Variants in MEGF10 observed in about 807,000 individuals in gnomAD.
MEGF10 encodes the protein multiple epidermal growth factor-like domains protein 10.
A neutral mutation model predicts 147.5 loss-of-function variants in MEGF10; 86 were observed. That is an observed-to-expected ratio of 0.58 (90% confidence interval 0.49 to 0.70). The LOEUF is 0.70. MEGF10 is among the 30% of genes least tolerant of loss of function. The pLI is 0.00. For missense variants in MEGF10, 1,329 were observed against 1,487.3 expected (o/e 0.89, Z 1.75); for synonymous variants, 478 against 525.5 (o/e 0.91, Z 1.24).
At chr5:127,271,793 A>C in the MEGF10 span, among the ~76,000 whole-genome samples, 1 of 152,198 alleles carries the variant, frequency 6.6e-6, no homozygotes, top group Admixed American at 6.5e-5. Flanking sequence ...AGGCCTCCCC[A>C]GCCCTGTGGA....
chr5:127,294,431 T>C (rs1759402804), intron 1 of MEGF10, among the ~76,000 whole-genome samples: 1 of 152,136 alleles, frequency 6.6e-6, no homozygotes, highest in Non-Finnish European at 1.5e-5. Context: ...GGGACAGTAT[T>C]GTATACATAT....
At chr5:127,381,684 T>A (rs1489500482) in intron 5 of MEGF10, among the ~76,000 whole-genome samples, 1 of 152,222 alleles carries the variant, frequency 6.6e-6, no homozygotes, top group African/African-American at 2.4e-5. Context: ...TTTTTGTTTT[T>A]CTCGAGACAA....
chr5:127,235,217 G>C, the MEGF10 span, among the ~76,000 whole-genome samples: 1 of 150,112 alleles, frequency 6.7e-6, no homozygotes, highest in African/African-American at 2.5e-5. Flanking sequence ...ACTTTATTCA[G>C]AATAAGAACT....
At chr5:127,240,936 G>C in the MEGF10 span, among the ~76,000 whole-genome samples, 1 of 152,186 alleles carries the variant, frequency 6.6e-6, no homozygotes, top group Non-Finnish European at 1.5e-5. Flanking sequence ...ACATTGGGCA[G>C]ATGTCTTCTG....
intron 9 of MEGF10, among the ~76,000 whole-genome samples, chr5:127,416,995 G>A (rs1764801431): frequency 6.6e-6 from 1 of 152,248 alleles, no homozygotes; most frequent in Non-Finnish European, 1.5e-5. Context: ...TCTTCCTCTT[G>A]TCAGGAGAAC....
Position 127,419,197 on chromosome 5 carries a change from T to G in MEGF10, c.1383T>G (p.Asp461Glu), listed in dbSNP as rs781683602. The change falls in exon 11 of 25, where the codon GAT becomes GAG. Residue 461 changes from aspartate to glutamate, a missense_variant. By Grantham distance (45) the Asp-to-Glu change is conservative. This residue lies in a region of MEGF10 where 980 missense variants were observed against 1,085.9 expected (regional missense o/e 0.90). Transcript: ENST00000503335. Reference protein sequence around the residue: ...NCSSRCGCKNDAVCSPVDGSC... With the variant: ...NCSSRCGCKNEAVCSPVDGSC... ...CCTCTCGCTGTGGCTGTAAAAATGA[T>G]GCAGTCTGCTCTCCTGTGGACGGGT... 1.3e-5 allele frequency: 21 copies of G among 1,614,082 alleles called. No individual in the cohort carries two copies. Among genetic ancestry groups the G allele is most frequent in the Non-Finnish European group, 1.8e-5 (21 of 1,180,030 alleles).
intron 5 of MEGF10, among the ~76,000 whole-genome samples, chr5:127,377,266 T>G (rs920877298): frequency 6.6e-6 from 1 of 152,242 alleles, no homozygotes; most frequent in Non-Finnish European, 1.5e-5. Context: ...GTTTTCTTAT[T>G]CCATATAATC....
chr5:127,379,787 A>T (rs1041320506), intron 5 of MEGF10, among the ~76,000 whole-genome samples: 1 of 151,678 alleles, frequency 6.6e-6, no homozygotes, highest in Non-Finnish European at 1.5e-5. Flanking sequence ...TTTAGTAGAG[A>T]TGGGATTTCA....
intron 19 of MEGF10, chr5:127,444,608 A>G (rs1486900239): frequency 6.6e-6 from 1 of 152,228 alleles, no homozygotes. Context: ...TTTAGATGCC[A>G]GATTTCTTGA....
In MEGF10 at chr5:127,405,322, T is replaced by G. The variant is rs1014884157; in HGVS notation, c.917+2640T>G. ...TTTAATAAGATACTGTCATGTTTGTTGCCTCCTGCCTCCAACTTAGACCCT... is the reference window on the plus strand; with the variant it reads ...TTTAATAAGATACTGTCATGTTTGTGGCCTCCTGCCTCCAACTTAGACCCT... On this transcript the variant is annotated intron_variant, in intron 8 of 24. Transcript: ENST00000503335. Among the ~76,000 whole-genome samples the G allele has an allele frequency of 3.3e-5, 5 of 152,316 alleles. No individual in the cohort carries two copies. The South Asian group carries it at 1.0e-3, about 32-fold the overall frequency.
chr5:127,365,973 T>C (rs1380155646), intron 4 of MEGF10, among the ~76,000 whole-genome samples: 1 of 152,246 alleles, frequency 6.6e-6, no homozygotes, highest in Non-Finnish European at 1.5e-5. Context: ...AGTGGACCTC[T>C]GTTCCCTTTT....
At chr5:127,239,669 G>T in the MEGF10 span, among the ~76,000 whole-genome samples, 1 of 151,914 alleles carries the variant, frequency 6.6e-6, no homozygotes, top group African/African-American at 2.4e-5. Context: ...TGGGAATATA[G>T]ATCAGGCAAG....
chr5:127,291,647 G>T (rs1034434223), intron 1 of MEGF10, among the ~76,000 whole-genome samples: 3 of 152,168 alleles, frequency 2.0e-5, no homozygotes, highest in Non-Finnish European at 2.9e-5. Flanking sequence ...GGCTCCTTAA[G>T]GAGTGCTGGG....
intron 13 of MEGF10, among the ~76,000 whole-genome samples, chr5:127,426,041 T>A (rs1311605035): frequency 6.6e-6 from 1 of 152,160 alleles, no homozygotes; most frequent in Non-Finnish European, 1.5e-5. Flanking sequence ...GTGGACACTG[T>A]GGGGAGAGGC....
intron 5 of MEGF10, among the ~76,000 whole-genome samples, chr5:127,388,109 G>A (rs1465988697): frequency 1.3e-5 from 2 of 152,082 alleles, no homozygotes; most frequent in South Asian, 2.1e-4. Context: ...TTGATACTAT[G>A]TTCATAGCAA....
chr5:127,352,180 A>C (rs1262020895), intron 4 of MEGF10, among the ~76,000 whole-genome samples: 1 of 152,150 alleles, frequency 6.6e-6, no homozygotes, highest in Non-Finnish European at 1.5e-5. Flanking sequence ...ATTTTGAGAC[A>C]CATTGCCAAA....
At chr5:127,398,556 T>C in intron 6 of MEGF10, 120 bp from the exon 7 acceptor site, 2 of 1,161,930 alleles carry the variant, frequency 1.7e-6, no homozygotes, top group Non-Finnish European at 2.5e-6. Flanking sequence ...TGTTAATTAA[T>C]TAAATGAACA....
intron 5 of MEGF10, among the ~76,000 whole-genome samples, chr5:127,393,828 T>A (rs1763801104): frequency 6.6e-6 from 1 of 152,100 alleles, no homozygotes; most frequent in Non-Finnish European, 1.5e-5. Flanking sequence ...TTTTCTTTTT[T>A]TTTTGTTCTA....
At chr5:127,283,522 A>G in the MEGF10 span, among the ~76,000 whole-genome samples, 5 of 152,228 alleles carry the variant, frequency 3.3e-5, no homozygotes. Flanking sequence ...TACACCAGCA[A>G]TGCTTTTACA....
Sources: allele counts gnomAD v4.1 joint callset (sites outside exome capture counted in the v4.1 genomes callset), GRCh38; gene constraint gnomAD v4.1.1; regional missense constraint gnomAD v4.1.1; transcripts MANE v1.5; gene names NCBI Gene and HGNC (gene_info 2026-07-23, HGNC 2026-07-21).